The following TEK variants were observed in gnomAD, a reference collection of about 807,000 sequenced individuals.
TEK encodes the protein TEK receptor tyrosine kinase.
In TEK, 43 loss-of-function variants were observed where a neutral mutation model predicts 131.8. The observed-to-expected ratio is 0.33, with a 90% CI of 0.26 to 0.42. TEK has a LOEUF of 0.42. Ranked by LOEUF, TEK falls within the 10% of genes least tolerant of loss-of-function variation. The pLI is 1.00. For synonymous variants in TEK, 580 were observed against 491.6 expected, an observed-to-expected ratio of 1.18 and a Z score of -2.38; for missense variants, 1,162 against 1,384.4, an observed-to-expected ratio of 0.84 and a Z score of 2.55.
At chr9:27,185,440 A>T in intron 8 of TEK, 45 bp from the exon 9 acceptor site, 1 of 1,612,352 alleles carries the variant, frequency 6.2e-7, no homozygotes, top group Non-Finnish European at 8.5e-7. Context: ...CTTTGCGTTT[A>T]TGCCTCCCTA....
intron 12 of TEK, among the ~76,000 whole-genome samples, chr9:27,202,204 A>G (rs1287501787): frequency 6.6e-6 from 1 of 152,122 alleles, no homozygotes; most frequent in African/African-American, 2.4e-5. Flanking sequence ...CTTTTCCCCA[A>G]ATCCCTATAA....
At chr9:27,183,986 G>C (rs1179396163) in intron 8 of TEK, among the ~76,000 whole-genome samples, 5 of 152,156 alleles carry the variant, frequency 3.3e-5, no homozygotes, top group Non-Finnish European at 5.9e-5. Context: ...GAGTAAGGTG[G>C]TGTTGCAACC....
chr9:27,221,421 C>G (rs1323578888), intron 21 of TEK, among the ~76,000 whole-genome samples: 5 of 152,180 alleles, frequency 3.3e-5, no homozygotes, highest in Non-Finnish European at 7.3e-5. Context: ...TTGAGCTCTG[C>G]TAAGGGACAG....
chr9:27,144,526 T>C (rs943682257), intron 1 of TEK, among the ~76,000 whole-genome samples: 1 of 152,150 alleles, frequency 6.6e-6, no homozygotes, highest in African/African-American at 2.4e-5. Context: ...TGCAGTTTGA[T>C]AGAGGAAAAA....
chr9:27,189,605 G>A (rs1265757927), intron 9 of TEK, among the ~76,000 whole-genome samples: 1 of 152,144 alleles, frequency 6.6e-6, no homozygotes, highest in Middle Eastern at 3.2e-3. Flanking sequence ...CCTGACAATA[G>A]TCAGAGATGT....
Position 27,158,105 on chromosome 9 carries a change from G to T in TEK, c.327G>T (p.Glu109Asp). ...AYFCEGRVRG[E>D]AIRIRTMKMR... is the part of the protein sequence containing the mutation. ...TCTGTGAAGGGCGAGTTCGAGGAGA[G>T]GCAATCAGGATACGAACCATGAAGA... Residue 109 changes from glutamate to aspartate, a missense_variant, in exon 2 of 23, where the codon GAG (glutamate) becomes GAT (aspartate). Physicochemically the swap from Glu to Asp is conservative, Grantham distance 45. Coordinates refer to ENST00000380036, the MANE Select transcript of TEK (RefSeq NM_000459.5). The T allele has an allele frequency of 6.2e-7, 1 of 1,614,088 alleles. No homozygotes were observed. Among genetic ancestry groups the T allele is most frequent in the Non-Finnish European group, 8.5e-7 (1 of 1,180,008 alleles).
chr9:27,155,129 T>C (rs1166020167), intron 1 of TEK, among the ~76,000 whole-genome samples: 2 of 152,194 alleles, frequency 1.3e-5, no homozygotes, highest in Admixed American at 6.5e-5. Context: ...TCTTGATGAC[T>C]CTTTCTGGAA....
intron 1 of TEK, among the ~76,000 whole-genome samples, chr9:27,140,010 A>T (rs1207562485): frequency 1.3e-5 from 2 of 152,160 alleles, no homozygotes; most frequent in Non-Finnish European, 2.9e-5. Flanking sequence ...TAATTTAGCA[A>T]TGAAAGGGTT....
chr9:27,122,646 G>A (rs558504958), intron 1 of TEK, among the ~76,000 whole-genome samples: 2 of 152,176 alleles, frequency 1.3e-5, no homozygotes, highest in Non-Finnish European at 2.9e-5. Context: ...ATAAGAGGAG[G>A]ACAGCAGGTA....
chr9:27,181,535 C>CT (rs1477660334), intron 7 of TEK, among the ~76,000 whole-genome samples: 1 of 152,090 alleles, frequency 6.6e-6, no homozygotes, highest in Non-Finnish European at 1.5e-5. Context: ...TTTGCCACAC[C>CT]TTTTTTGAGG....
At chr9:27,120,025 C>A (rs1821722704) in intron 1 of TEK, among the ~76,000 whole-genome samples, 1 of 152,210 alleles carries the variant, frequency 6.6e-6, no homozygotes, top group Non-Finnish European at 1.5e-5. Context: ...ATACCCCTTG[C>A]ATCTGGAAAG....
At position 27,203,144 on chromosome 9, in the gene TEK, C is replaced by T. The variant is rs1221404239; in HGVS notation, c.2209+25C>T. 3 of 1,612,588 alleles carry T rather than the reference C, an allele frequency of 1.9e-6. No individual in the cohort carries two copies. The South Asian group carries it at 3.3e-5, about 18-fold the overall frequency. On this transcript the variant is annotated intron_variant, in intron 13 of 22. Coordinates refer to ENST00000380036, the MANE Select transcript of TEK (RefSeq NM_000459.5). ...GGTTGGTTGAATGGACAAGTATTTA[C>T]ATAGGATTACCGTGCAGCCCTATAG...
chr9:27,174,982 TTTATTA>T (rs369673345), intron 6 of TEK, among the ~76,000 whole-genome samples: 5 of 150,416 alleles, frequency 3.3e-5, no homozygotes, highest in South Asian at 2.1e-4. Context: ...TTTAATTCTT[TTTATTA>T]TTATTATTAT....
In TEK at chr9:27,190,655, C is replaced by G; in HGVS notation, c.1454C>G (p.Pro485Arg). ...AAATCCAAGAAGCTTCTATACAAAC[C>G]CGTTAATCACTATGAGGCTTGGCAA... ...PIKSKKLLYK[P>R]VNHYEAWQHI... is the part of the protein sequence containing the mutation. Residue 485 changes from proline (P) to arginine (R), a missense_variant, in exon 10 of 23, where the codon CCC becomes CGC. Coordinates refer to ENST00000380036, the MANE Select transcript of TEK (RefSeq NM_000459.5). The G allele has an allele frequency of 6.2e-7, 1 of 1,614,004 alleles. No homozygotes were observed. Among genetic ancestry groups the G allele is most frequent in the Non-Finnish European group, 8.5e-7 (1 of 1,179,896 alleles).
rs562330642 is a variant in TEK, at chr9:27,176,675, G to A, written c.901+3313G>A. 2.8e-4 allele frequency among the ~76,000 whole-genome samples: 43 copies of A among 152,332 alleles called. No homozygotes were observed. In the South Asian group the frequency reaches 8.3e-3, roughly 29 times the overall value. Reference sequence around the variant, plus strand: ...ATTAACATATCCATCACCTCACACAGTTATCTGTGTGTGTGGGTGTGGTGA... The same window carrying A: ...ATTAACATATCCATCACCTCACACAATTATCTGTGTGTGTGGGTGTGGTGA... On this transcript the variant is annotated intron_variant, in intron 6 of 22. Coordinates refer to ENST00000380036, the MANE Select transcript of TEK (RefSeq NM_000459.5).
chr9:27,117,445 T>C (rs1266001950), intron 1 of TEK, among the ~76,000 whole-genome samples: 1 of 152,192 alleles, frequency 6.6e-6, no homozygotes, highest in Non-Finnish European at 1.5e-5. Context: ...ACCTGCAGAA[T>C]GAGTTTTAGA....
intron 1 of TEK, among the ~76,000 whole-genome samples, chr9:27,111,012 A>G (rs139007865): frequency 9.2e-5 from 14 of 152,240 alleles, no homozygotes; most frequent in East Asian, 7.7e-4. Flanking sequence ...CCAGGTGTCT[A>G]TAGTTTCTCT....
intron 21 of TEK, among the ~76,000 whole-genome samples, chr9:27,226,594 G>A (rs905360187): frequency 3.3e-5 from 5 of 152,104 alleles, no homozygotes; most frequent in Non-Finnish European, 7.3e-5. Context: ...GGCTAGGGGA[G>A]GGATAGCATT....
intron 6 of TEK, among the ~76,000 whole-genome samples, chr9:27,175,087 T>C (rs1194087945): frequency 1.0e-4 from 15 of 148,932 alleles, no homozygotes; most frequent in Admixed American, 2.0e-4. Flanking sequence ...GCTGCACCCA[T>C]CAACTCGTCA....
Sources: gnomAD v4.1 joint callset for allele counts (sites outside exome capture counted in the v4.1 genomes callset) on GRCh38, gnomAD v4.1.1 for gene constraint, MANE v1.5 for transcripts, NCBI Gene and HGNC (gene_info 2026-07-23, HGNC 2026-07-21) for gene names.